Variants in PCDHA3 observed in about 807,000 individuals in gnomAD.
PCDHA3 encodes protocadherin alpha-3.
Under a neutral mutation model 62.2 loss-of-function variants are expected in PCDHA3, and 41 were observed. The observed-to-expected ratio is 0.66, with a 90% CI of 0.51 to 0.86. PCDHA3 has a LOEUF of 0.86. PCDHA3 is among the 40% of genes least tolerant of loss of function. The probability of loss-of-function intolerance (pLI) is 0.00; values close to 1 mark genes in which losing one functional copy is unlikely to be tolerated. For missense variants in PCDHA3, 1,304 were observed against 1,241.2 expected, an observed-to-expected ratio of 1.05 and a Z score of -0.76; for synonymous variants, 640 against 555.4, an observed-to-expected ratio of 1.15 and a Z score of -2.14.
intron 1 of PCDHA3, among the ~76,000 whole-genome samples, chr5:140,939,959 G>A (rs1272327380): frequency 6.6e-6 from 1 of 152,150 alleles, no homozygotes; most frequent in Non-Finnish European, 1.5e-5. Flanking sequence ...TTATGTTAAA[G>A]TGTTCCACGA....
intron 1 of PCDHA3, chr5:140,870,840 A>G (rs1554164745): frequency 1.9e-6 from 3 of 1,613,712 alleles, no homozygotes; most frequent in Admixed American, 3.3e-5. Context: ...TTAACAAGCT[A>G]GTACCGCGGT....
chr5:140,836,018 G>A (rs1480987765), intron 1 of PCDHA3: 2 of 1,613,364 alleles, frequency 1.2e-6, no homozygotes, highest in Non-Finnish European at 1.7e-6. Context: ...TGCCGCCTCT[G>A]GGCAGCAACG....
At chr5:140,837,263 G>C (rs2150274412) in intron 1 of PCDHA3, 1 of 152,030 alleles carries the variant, frequency 6.6e-6, no homozygotes, top group East Asian at 1.9e-4. Flanking sequence ...TATCATATTT[G>C]TGTAGCACTG....
intron 1 of PCDHA3, among the ~76,000 whole-genome samples, chr5:140,964,144 C>A (rs970079716): frequency 6.6e-6 from 1 of 152,138 alleles, no homozygotes; most frequent in African/African-American, 2.4e-5. Context: ...TTGGCAGGAG[C>A]CTCAGTATAA....
intron 1 of PCDHA3, chr5:140,829,613 A>G (rs2150171256): frequency 4.3e-6 from 7 of 1,611,960 alleles, no homozygotes; most frequent in Middle Eastern, 2.1e-4. Context: ...GTCGAGCTAC[A>G]TTTCGGTGCA....
intron 1 of PCDHA3, chr5:140,968,773 A>G (rs528972800): frequency 4.3e-6 from 7 of 1,614,206 alleles, no homozygotes; most frequent in Non-Finnish European, 5.1e-6. Flanking sequence ...GAGAGCCATC[A>G]CTATCAGCCT....
At chr5:140,989,619 TC>T (rs2097351060) in intron 3 of PCDHA3, among the ~76,000 whole-genome samples, 1 of 152,196 alleles carries the variant, frequency 6.6e-6, no homozygotes. Flanking sequence ...TGAAAGTCTG[TC>T]CTAGTGACAG....
chr5:140,912,426 G>T (rs1349647535), intron 1 of PCDHA3, among the ~76,000 whole-genome samples: 1 of 151,784 alleles, frequency 6.6e-6, no homozygotes, highest in Non-Finnish European at 1.5e-5. Flanking sequence ...GTGTATAGCA[G>T]TGTTGCTGAT....
At chr5:140,927,616 G>C in intron 1 of PCDHA3, 1 of 1,614,164 alleles carries the variant, frequency 6.2e-7, no homozygotes, top group Non-Finnish European at 8.5e-7. Flanking sequence ...CCGCACCAAG[G>C]TTCCAGAGAC....
intron 3 of PCDHA3, among the ~76,000 whole-genome samples, chr5:140,983,854 T>C (rs1554245766): frequency 6.6e-6 from 1 of 152,206 alleles, no homozygotes; most frequent in Admixed American, 6.5e-5. Flanking sequence ...TTAAGTAACA[T>C]GCAGCTAAGG....
chr5:140,880,318 A>G (rs2058303482), intron 1 of PCDHA3, among the ~76,000 whole-genome samples: 1 of 152,268 alleles, frequency 6.6e-6, no homozygotes, highest in Admixed American at 6.5e-5. Context: ...CAAGTAAAAA[A>G]TAAGATACTA....
intron 1 of PCDHA3, among the ~76,000 whole-genome samples, chr5:140,900,435 G>A (rs1219799362): frequency 3.3e-5 from 5 of 152,088 alleles, no homozygotes; most frequent in African/African-American, 9.7e-5. Context: ...GTGCCACCAC[G>A]GCCGGCTAAT....
intron 1 of PCDHA3, among the ~76,000 whole-genome samples, chr5:140,961,406 G>C (rs1046743232): frequency 4.6e-5 from 7 of 152,008 alleles, no homozygotes; most frequent in Non-Finnish European, 1.0e-4. Flanking sequence ...AACACTTTTT[G>C]GCATGTTATT....
At chr5:140,807,549 T>A (rs782626216) in intron 1 of PCDHA3, 14 of 1,614,068 alleles carry the variant, frequency 8.7e-6, no homozygotes, top group Non-Finnish European at 1.1e-5. Context: ...CATGTGGACG[T>A]GGAGGTGAGG....
intron 3 of PCDHA3, among the ~76,000 whole-genome samples, chr5:141,006,287 C>A (rs1407881243): frequency 6.6e-6 from 1 of 152,060 alleles, no homozygotes; most frequent in African/African-American, 2.4e-5. Flanking sequence ...TCTCAGCTCA[C>A]TGCAAGCTCC....
chr5:140,968,489 C>T (rs1024952304), intron 1 of PCDHA3: 30 of 1,614,008 alleles, frequency 1.9e-5, no homozygotes, highest in Non-Finnish European at 2.5e-5. Context: ...CATGAATGAC[C>T]ATGCCCCTCA....
chr5:140,988,184 GGT>G (rs2153871318), intron 3 of PCDHA3, among the ~76,000 whole-genome samples: 1 of 152,246 alleles, frequency 6.6e-6, no homozygotes, highest in East Asian at 1.9e-4. Flanking sequence ...AGTCCTGGGA[GGT>G]GTGTGCATAT....
chr5:140,809,319 TG>T (rs1562224464), intron 1 of PCDHA3: 1 of 1,614,108 alleles, frequency 6.2e-7, no homozygotes, highest in Non-Finnish European at 8.5e-7. Flanking sequence ...TCCAGCCTTT[TG>T]GTGCTCACGC....
At chr5:140,807,350 G>A (rs1279167584) in intron 1 of PCDHA3, 1 of 1,612,304 alleles carries the variant, frequency 6.2e-7, no homozygotes. Context: ...CCTGGGACTG[G>A]AGCTGGCGGA....
Sources: allele counts gnomAD v4.1 joint callset (sites outside exome capture counted in the v4.1 genomes callset), GRCh38; gene constraint gnomAD v4.1.1; transcripts MANE v1.5; gene names NCBI Gene and HGNC (gene_info 2026-07-23, HGNC 2026-07-21).